Variants in CD86 observed in about 807,000 individuals in gnomAD.
The protein encoded by CD86 is T-lymphocyte activation antigen CD86.
CD86 carries 11 observed loss-of-function variants against 32.1 expected under a neutral mutation model. The observed-to-expected ratio is 0.34, with a 90% confidence interval of 0.22 to 0.57. CD86 has a LOEUF of 0.57. Among genes scored for constraint, CD86 ranks in the 20% least tolerant of loss-of-function variants. CD86 has a pLI of 0.86. For synonymous variants in CD86, 137 were observed against 135.3 expected (o/e 1.01, Z -0.09); for missense variants, 359 against 398.4 (o/e 0.90, Z 0.84).
At chr3:122,082,332 G>A (rs545499947) in intron 1 of CD86, among the ~76,000 whole-genome samples, 1 of 152,268 alleles carries the variant, frequency 6.6e-6, no homozygotes, top group East Asian at 1.9e-4. Flanking sequence ...CCATGGAAGG[G>A]CCCTTACATA....
chr3:122,062,905 C>A (rs2072359067), intron 1 of CD86, among the ~76,000 whole-genome samples: 1 of 152,094 alleles, frequency 6.6e-6, no homozygotes, highest in Non-Finnish European at 1.5e-5. Flanking sequence ...TTTAGCTCTG[C>A]CTTTTCTGAT....
chr3:122,092,987 A>G (rs2072849435), intron 2 of CD86, among the ~76,000 whole-genome samples: 1 of 152,108 alleles, frequency 6.6e-6, no homozygotes. Context: ...GTGCCAGCTG[A>G]TCACTGACTT....
intron 1 of CD86, among the ~76,000 whole-genome samples, chr3:122,079,842 C>G (rs918936003): frequency 2.6e-5 from 4 of 152,178 alleles, no homozygotes; most frequent in African/African-American, 4.8e-5. Context: ...ATCGGTCCTC[C>G]TTTATTCATG....
At chr3:122,063,067 G>A (rs779026481) in intron 1 of CD86, among the ~76,000 whole-genome samples, 8 of 152,120 alleles carry the variant, frequency 5.3e-5, no homozygotes, top group Non-Finnish European at 1.2e-4. Context: ...GTAAGGTAGG[G>A]TGCCAAAATC....
At chr3:122,078,194 G>C (rs530981829) in intron 1 of CD86, 43 of 328,090 alleles carry the variant, frequency 1.3e-4, no homozygotes, top group African/African-American at 9.2e-4. Context: ...CTGACCATCA[G>C]GTTTGCTTCT....
intron 1 of CD86, among the ~76,000 whole-genome samples, chr3:122,084,427 C>G (rs1255294574): frequency 6.6e-6 from 1 of 152,218 alleles, no homozygotes; most frequent in Non-Finnish European, 1.5e-5. Context: ...CATTGCACTG[C>G]AAAAGCAGCC....
intron 2 of CD86, among the ~76,000 whole-genome samples, chr3:122,102,805 G>C (rs1466071153): frequency 6.6e-6 from 1 of 152,102 alleles, no homozygotes; most frequent in Non-Finnish European, 1.5e-5. Flanking sequence ...AAAGAGCTTA[G>C]AGAGGTCACT....
rs1212258186 is a variant in CD86 at position 122,102,901 on chromosome 3, T to C, written c.65-611T>C. Among the ~76,000 whole-genome samples, 4 of 136,876 alleles carry C rather than the reference T, an allele frequency of 2.9e-5. No homozygotes were observed. The East Asian group carries it at 7.7e-4, about 26-fold the overall frequency. 89.8% of individuals were successfully genotyped at this position (136,876 alleles called of 152,430 possible). On this transcript the variant is annotated intron_variant, in intron 2 of 6. Coordinates refer to ENST00000330540, the MANE Select transcript of CD86 (RefSeq NM_175862.5). ...GTGCTGGCCATGGGAGCAGCAGTCA[T>C]AGGGGAAGTTCTGTAAAGGGAGCTA...
rs774925932 is a variant in CD86 at position 122,106,243 on chromosome 3, A to G, written c.446A>G (p.Glu149Gly). 6.8e-6 allele frequency: 11 copies of G among 1,611,816 alleles called. No individual in the cohort carries two copies. Among genetic ancestry groups the G allele is most frequent in the Non-Finnish European group, 8.5e-6 (10 of 1,179,042 alleles). Residue 149 changes from glutamate to glycine, a missense_variant, in exon 4 of 7, where the codon GAA becomes GGA. Transcript: ENST00000330540. ...PEIVPISNITENVYINLTCSS... is the reference protein window; with the variant it reads ...PEIVPISNITGNVYINLTCSS... ...ATAGTACCAATTTCTAATATAACAG[A>G]AAATGTGTACATAAATTTGACCTGC...
intron 1 of CD86, among the ~76,000 whole-genome samples, chr3:122,075,584 C>T (rs1576763316): frequency 1.3e-5 from 2 of 152,122 alleles, no homozygotes; most frequent in African/African-American, 2.4e-5. Context: ...AGGCTAGACA[C>T]GCATCTGTCA....
intron 1 of CD86, among the ~76,000 whole-genome samples, chr3:122,076,004 G>A (rs1278412103): frequency 6.6e-6 from 1 of 152,134 alleles, no homozygotes; most frequent in Non-Finnish European, 1.5e-5. Flanking sequence ...TTAAATAACT[G>A]CCCCAAGAAC....
chr3:122,095,361 G>T (rs957290100), intron 2 of CD86, among the ~76,000 whole-genome samples: 1 of 151,800 alleles, frequency 6.6e-6, no homozygotes, highest in Non-Finnish European at 1.5e-5. Flanking sequence ...TTGTATTTTT[G>T]GTAGAGACGG....
Position 122,074,849 on chromosome 3 carries a change from C to T in CD86, c.15-16752C>T, listed in dbSNP as rs1442179653. 3.9e-5 allele frequency among the ~76,000 whole-genome samples: 6 copies of T among 152,170 alleles called. No individual in the cohort carries two copies. In the East Asian group the frequency reaches 1.2e-3, roughly 29 times the overall value. On this transcript the variant is annotated intron_variant, in intron 1 of 6. Transcript: ENST00000330540. ...TGAGGCAGTGGAGGAAGCAGCCCCA[C>T]ACAGAAAGCAGTTTCTGAAGTAACC... is the stretch of plus-strand genomic sequence containing the variant.
chr3:122,060,161 G>A (rs1375757672), intron 1 of CD86, among the ~76,000 whole-genome samples: 3 of 152,150 alleles, frequency 2.0e-5, no homozygotes, highest in East Asian at 3.8e-4. Context: ...ACCAAAACAG[G>A]ATTACATCAC....
rs1213306374 is a variant in CD86 at position 122,107,611 on chromosome 3, C to T, written c.703+1111C>T. Among the ~76,000 whole-genome samples, 3 of 152,204 alleles carry T rather than the reference C, an allele frequency of 2.0e-5. No individual in the cohort carries two copies. In the East Asian group the frequency reaches 5.8e-4, roughly 29 times the overall value. ...CTGCATCTACCCTGTCCCATCACTG[C>T]CTGTGCTGACCTTGACACCCACATC... is the stretch of plus-strand genomic sequence containing the variant. On this transcript the variant is annotated intron_variant, in intron 4 of 6. Coordinates refer to ENST00000330540, the MANE Select transcript of CD86 (RefSeq NM_175862.5).
chr3:122,103,473 CTT>C, intron 2 of CD86, 37 bp from the exon 3 acceptor site: 1 of 1,423,874 alleles, frequency 7.0e-7, no homozygotes, highest in South Asian at 1.3e-5. Context: ...CCCCTTTCCT[CTT>C]GTTTCTCCCT....
At chr3:122,103,952 G>C (rs988275288) in intron 3 of CD86, 105 bp downstream of exon 3, 7 of 914,698 alleles carry the variant, frequency 7.7e-6, no homozygotes. Context: ...AGGGGAAAAG[G>C]GGGGTCTATA....
At chr3:122,109,122 A>G (rs1334937724) in intron 4 of CD86, 143 bp from the exon 5 acceptor site, 5 of 784,256 alleles carry the variant, frequency 6.4e-6, no homozygotes, top group Non-Finnish European at 9.9e-6. Flanking sequence ...GGGACTTTCT[A>G]TGGCCTCCTA....
At chr3:122,115,839 G>T (rs1405555003) in intron 5 of CD86, among the ~76,000 whole-genome samples, 1 of 150,810 alleles carries the variant, frequency 6.6e-6, no homozygotes, top group Non-Finnish European at 1.5e-5. Flanking sequence ...TGTGATATTG[G>T]TAAAAGGACA....
Sources: gnomAD v4.1 joint callset for allele counts (sites outside exome capture counted in the v4.1 genomes callset) on GRCh38, gnomAD v4.1.1 for gene constraint, MANE v1.5 for transcripts, NCBI Gene and HGNC (gene_info 2026-07-23, HGNC 2026-07-21) for gene names.